The following TCF23 variants were observed in gnomAD, a reference collection of about 807,000 sequenced individuals.
TCF23 encodes class A basic helix-loop-helix protein 24.
TCF23 carries 7 observed loss-of-function variants against 13.0 expected under a neutral mutation model. That is an observed-to-expected ratio of 0.54 (90% CI 0.31 to 1.01). TCF23 has a LOEUF of 1.01. Ranked by LOEUF, TCF23 falls within the 50% of genes least tolerant of loss-of-function variation. TCF23 has a pLI of 0.06. For missense variants in TCF23, 257 were observed against 289.8 expected (o/e 0.89, Z 0.82); for synonymous variants, 122 against 119.5 (o/e 1.02, Z -0.14).
At chr2:27,152,054 C>A (rs1007659702) in intron 2 of TCF23, among the ~76,000 whole-genome samples, 1 of 152,118 alleles carries the variant, frequency 6.6e-6, no homozygotes, top group Non-Finnish European at 1.5e-5. Context: ...GTGCAGGGTC[C>A]TGGGATGATA....
chr2:27,149,678 C>T (rs1378167520), intron 1 of TCF23: 3 of 598,650 alleles, frequency 5.0e-6, no homozygotes, highest in Middle Eastern at 2.7e-4. Context: ...TGCTTTGACC[C>T]CTGGTTCTGT....
chr2:27,149,956 C>T (rs1243700427), intron 1 of TCF23, 167 bp from the exon 2 acceptor site: 14 of 1,176,672 alleles, frequency 1.2e-5, no homozygotes, highest in Non-Finnish European at 1.7e-5. Flanking sequence ...ACTTCCTCAG[C>T]TGTGAAACGC....
rs1193179582 is a variant in TCF23, at chr2:27,153,935, C to T, written c.*1068C>T. 1 of 152,176 alleles carries T rather than the reference C, an allele frequency of 6.6e-6. No homozygotes were observed. The highest frequency in any genetic ancestry group is 1.5e-5 in the Non-Finnish European group (1 of 68,048). 9.4% of individuals were successfully genotyped at this position (152,176 alleles called of 1,614,324 possible). ...GGTGATCATTACAGTCTTCTCTTTC[C>T]ATTATGTTAGAAACCTGCCCTCAAG... On this transcript the variant is annotated 3_prime_UTR_variant, in exon 3 of 3. Coordinates refer to ENST00000296096, the MANE Select transcript of TCF23 (RefSeq NM_175769.3).
intron 1 of TCF23, chr2:27,149,701 T>A: frequency 1.7e-6 from 1 of 589,834 alleles, no homozygotes; most frequent in Non-Finnish European, 3.3e-6. Flanking sequence ...CTTTCCTCTT[T>A]CCCACAGCAG....
Position 27,153,758 on chromosome 2 carries a change from T to G in TCF23, c.*891T>G, listed in dbSNP as rs1419210036. 6.6e-6 allele frequency: 1 copy of G among 152,232 alleles called. No individual in the cohort carries two copies. The highest frequency in any genetic ancestry group is 1.5e-5 in the Non-Finnish European group (1 of 68,058). 9.4% of individuals were successfully genotyped at this position (152,232 alleles called of 1,614,324 possible). On this transcript the variant is annotated 3_prime_UTR_variant, in exon 3 of 3. Coordinates refer to ENST00000296096, the MANE Select transcript of TCF23 (RefSeq NM_175769.3). ...ACATTCCAGTTTCCAGAGAAACTTT[T>G]AGATAGTCCCAGATGCCTAGTTTGA...
chr2:27,152,776 C>T lies in TCF23; in HGVS notation c.554C>T (p.Thr185Ile). ...STTASTPSQR[T>I]RDAEVGSQVP... The stretch of plus-strand genomic sequence containing the variant: ...ACAGCCAGCACCCCCAGCCAAAGAA[C>T]AAGAGATGCAGAGGTGGGGTCCCAA... The change falls in exon 3 of 3, where the codon ACA becomes ATA. Residue 185 changes from threonine to isoleucine, a missense_variant. By Grantham distance (89) the Thr-to-Ile change is moderately conservative. Transcript: ENST00000296096. 3.1e-6 allele frequency: 5 copies of T among 1,614,190 alleles called. No individual in the cohort carries two copies. Among genetic ancestry groups the T allele is most frequent in the Non-Finnish European group, 4.2e-6 (5 of 1,180,032 alleles).
In TCF23 at chr2:27,150,263, C is replaced by T. The variant is rs778747753; in HGVS notation, c.363C>T (p.Ala121=). ...KLSKLDVLVL[A]ASYIAHLTRT... is the part of the protein sequence containing the mutation. Reference sequence around the variant, plus strand: ...CCAAGTTGGACGTGCTGGTGCTCGCCGCCAGCTACATAGCCCACCTCACCC... The same window carrying T: ...CCAAGTTGGACGTGCTGGTGCTCGCTGCCAGCTACATAGCCCACCTCACCC... Residue 121 remains alanine (A), a synonymous_variant, in exon 2 of 3, where the codon GCC becomes GCT. Transcript: ENST00000296096. The surrounding 1 kb of genome is among the most constrained non-coding windows in gnomAD (Gnocchi z 4.1). 89 of 1,613,626 alleles carry T rather than the reference C, an allele frequency of 5.5e-5. No homozygotes were observed. The highest frequency in any genetic ancestry group is 2.5e-4 in the South Asian group (23 of 91,080).
At chr2:27,152,654 C>A in intron 2 of TCF23, 34 bp from the exon 3 acceptor site, 1 of 1,599,150 alleles carries the variant, frequency 6.3e-7, no homozygotes, top group South Asian at 1.1e-5. Flanking sequence ...GCTGCAATAG[C>A]AGCATTTCTC....
At position 27,153,066 on chromosome 2, in the gene TCF23, C is replaced by T. The variant is rs910223682; in HGVS notation, c.*199C>T. 1 of 1,278,092 alleles carries T rather than the reference C, an allele frequency of 7.8e-7. No homozygotes were observed. The highest frequency in any genetic ancestry group is 2.1e-5 in the South Asian group (1 of 47,250). The allele number at this position is 1,278,092 out of a possible 1,614,324, so 79.2% of individuals were successfully genotyped here. ...CAGGTTGGAGAGCCTCCTCCTTGGT[C>T]CCCAGGAGGGGACTTCCCCATGGCT... On this transcript the variant is annotated 3_prime_UTR_variant, in exon 3 of 3. Coordinates refer to ENST00000296096, the MANE Select transcript of TCF23 (RefSeq NM_175769.3).
At position 27,149,264 on chromosome 2, in the gene TCF23, C is replaced by T. The variant is rs185034250; in HGVS notation, c.131C>T (p.Pro44Leu). 64 of 1,591,308 alleles carry T rather than the reference C, an allele frequency of 4.0e-5. No individual in the cohort carries two copies. Among genetic ancestry groups the T allele is most frequent in the African/African-American group, 6.7e-5 (5 of 74,596 alleles). ...RSRLSRTRQD[P>L]WEERSWSNQR... ...CGCCTCAGCAGGACAAGGCAGGACC[C>T]GTGGGAAGAAAGAAGCTGGAGCAAC... The change falls in exon 1 of 3, where the codon CCG becomes CTG. Residue 44 changes from proline (P) to leucine (L), a missense_variant. Transcript: ENST00000296096.
rs146034019 is a variant in TCF23, at chr2:27,150,149, G to A, written c.249G>A (p.Ala83=). 1.8e-5 allele frequency: 29 copies of A among 1,608,074 alleles called. No homozygotes were observed. In the African/African-American group the frequency reaches 1.9e-4, roughly 10 times the overall value. ...GRSEASPENA[A]RERSRVRTLR... ...GCGAGGCCAGTCCTGAGAATGCCGC[G>A]CGGGAGCGGAGCCGGGTCAGGACGC... is the stretch of plus-strand genomic sequence containing the variant. Residue 83 remains alanine (A), a synonymous_variant, in exon 2 of 3, where the codon GCG becomes GCA. Transcript: ENST00000296096. This position sits in a 1 kb window ranked among gnomAD's most constrained non-coding sequence, Gnocchi z 4.1.
At chr2:27,149,648 G>C (rs1672729497) in intron 1 of TCF23, 1 of 619,562 alleles carries the variant, frequency 1.6e-6, no homozygotes, top group South Asian at 1.5e-5. Context: ...CCAGTGGTAG[G>C]ACTGGGACTT....
Position 27,153,149 on chromosome 2 carries a change from G to A in TCF23, c.*282G>A. 1.9e-6 allele frequency: 1 copy of A among 523,656 alleles called. No individual in the cohort carries two copies. The highest frequency in any genetic ancestry group is 2.8e-6 in the Non-Finnish European group (1 of 359,236). The allele number at this position is 523,656 out of a possible 1,614,324, so 32.4% of individuals were successfully genotyped here. A position where few individuals can be genotyped will look rare whatever the true frequency, so the allele number is the denominator to read the frequency against. The stretch of plus-strand genomic sequence containing the variant: ...AAGAGGTATAATTGGGCTCAAAGTT[G>A]AGGTAGGGAACCACCCTAGCTTTCT... On this transcript the variant is annotated 3_prime_UTR_variant, in exon 3 of 3. Transcript: ENST00000296096.
chr2:27,151,247 C>T (rs1672756557), intron 2 of TCF23, among the ~76,000 whole-genome samples: 1 of 152,144 alleles, frequency 6.6e-6, no homozygotes, highest in Non-Finnish European at 1.5e-5. Context: ...TTGAAGAGTG[C>T]ACTGTGTTAA....
intron 1 of TCF23, 118 bp downstream of exon 1, chr2:27,149,473 G>A: frequency 9.9e-7 from 1 of 1,005,134 alleles, no homozygotes; most frequent in Non-Finnish European, 1.5e-6. Context: ...CAAGAGAGGG[G>A]ACACTGGCCC....
rs1455032535 is a variant in TCF23, at chr2:27,155,739, GGAAAAAAAAATGAAA to G, written c.*2883_*2897del. ...GGCGACAGAGCAAGACCCCATCTCG[GGAAAAAAAAATGAAA>G]GAAAAAAAAAGAAAAGAAAAGAAAT... On this transcript the variant is annotated 3_prime_UTR_variant, in exon 3 of 3. Coordinates refer to ENST00000296096, the MANE Select transcript of TCF23 (RefSeq NM_175769.3). The G allele has an allele frequency of 6.7e-6, 1 of 149,700 alleles. No homozygotes were observed. Among genetic ancestry groups the G allele is most frequent in the African/African-American group, 2.5e-5 (1 of 40,504 alleles). The allele number at this position is 149,700 out of a possible 1,614,324, so 9.3% of individuals were successfully genotyped here.
Position 27,150,282 on chromosome 2 carries a change from C to T in TCF23, c.382C>T (p.Leu128Phe). ...GCTCGCCGCCAGCTACATAGCCCAC[C>T]TCACCCGCACACTCGGCCACGAGTT... ...LVLAASYIAH[L>F]TRTLGHELPG... The change falls in exon 2 of 3, where the codon CTC becomes TTC. Residue 128 changes from leucine (L) to phenylalanine (F), a missense_variant. Transcript: ENST00000296096. The surrounding 1 kb of genome is among the most constrained non-coding windows in gnomAD (Gnocchi z 4.1). 1 of 1,613,826 alleles carries T rather than the reference C, an allele frequency of 6.2e-7. No individual in the cohort carries two copies. Among genetic ancestry groups the T allele is most frequent in the Non-Finnish European group, 8.5e-7 (1 of 1,180,010 alleles).
intron 1 of TCF23, 30 bp downstream of exon 1, chr2:27,149,385 C>T: frequency 6.5e-7 from 1 of 1,550,130 alleles, no homozygotes; most frequent in Non-Finnish European, 8.7e-7. Flanking sequence ...GCAGAGGGGT[C>T]CAGGGGAGGA....
At position 27,154,251 on chromosome 2, in the gene TCF23, C is replaced by G. The variant is rs1293135704; in HGVS notation, c.*1384C>G. 1 of 152,198 alleles carries G rather than the reference C, an allele frequency of 6.6e-6. No individual in the cohort carries two copies. Among genetic ancestry groups the G allele is most frequent in the African/African-American group, 2.4e-5 (1 of 41,442 alleles). 9.4% of individuals were successfully genotyped at this position (152,198 alleles called of 1,614,324 possible). On this transcript the variant is annotated 3_prime_UTR_variant, in exon 3 of 3. Transcript: ENST00000296096. ...AATAACTTTCCAGATCGGATGTAGC[C>G]TCAAACCTGGCACCTGAAGTCCAGA...
Sources: gnomAD v4.1 joint callset for allele counts (sites outside exome capture counted in the v4.1 genomes callset) on GRCh38, gnomAD v4.1.1 for gene constraint, Gnocchi (gnomAD v3.1) non-coding constraint, MANE v1.5 for transcripts, NCBI Gene and HGNC (gene_info 2026-07-23, HGNC 2026-07-21) for gene names.